Variants in TMEM232 observed in about 807,000 individuals in gnomAD.
TMEM232 encodes transmembrane protein 232.
TMEM232 carries 80 observed loss-of-function variants against 78.8 expected under a neutral mutation model. The ratio of observed to expected loss-of-function variants is 1.01; its 90% CI spans 0.85 to 1.22. The LOEUF is 1.22. Among genes scored for constraint, TMEM232 ranks in the 50% most tolerant of loss-of-function variants. The probability of loss-of-function intolerance (pLI) is 0.00; values close to 1 mark genes in which losing one functional copy is unlikely to be tolerated. For missense variants in TMEM232, 881 were observed against 742.2 expected (o/e 1.19, Z -2.17); for synonymous variants, 297 against 254.3 (o/e 1.17, Z -1.60).
intron 12 of TMEM232, among the ~76,000 whole-genome samples, chr5:110,459,645 G>C (rs538254472): frequency 6.6e-6 from 1 of 152,234 alleles, no homozygotes; most frequent in East Asian, 1.9e-4. Context: ...TACACTTAGT[G>C]GGTAAACGTT....
At chr5:110,477,093 T>G (rs573462723) in intron 12 of TMEM232, among the ~76,000 whole-genome samples, 10 of 152,170 alleles carry the variant, frequency 6.6e-5, no homozygotes, top group African/African-American at 2.4e-4. Flanking sequence ...GAGGCCTGTT[T>G]CAGATGTTAA....
intron 4 of TMEM232, among the ~76,000 whole-genome samples, chr5:110,388,534 G>A (rs909816804): frequency 5.3e-5 from 8 of 152,110 alleles, no homozygotes; most frequent in African/African-American, 1.2e-4. Flanking sequence ...AAGGACTTTC[G>A]TACCCTCACT....
intron 2 of TMEM232, among the ~76,000 whole-genome samples, chr5:110,663,289 T>C (rs919189404): frequency 3.3e-5 from 5 of 151,948 alleles, no homozygotes; most frequent in African/African-American, 7.2e-5. Context: ...TTCCATATAA[T>C]TAAAGGCACA....
chr5:110,727,868 C>T (rs944697723), upstream of TMEM232, among the ~76,000 whole-genome samples: 1 of 152,122 alleles, frequency 6.6e-6, no homozygotes, highest in East Asian at 1.9e-4. Flanking sequence ...CTATAAACTA[C>T]ATATGTGAGA....
intron 10 of TMEM232, among the ~76,000 whole-genome samples, chr5:110,572,403 A>G (rs1012027261): frequency 2.0e-5 from 3 of 152,066 alleles, no homozygotes; most frequent in South Asian, 2.1e-4. Flanking sequence ...CTGAGAAAAA[A>G]TAAGTTTTTG....
intron 1 of TMEM232, among the ~76,000 whole-genome samples, chr5:110,709,805 C>G (rs1796289644): frequency 6.6e-6 from 1 of 151,780 alleles, no homozygotes; most frequent in Admixed American, 6.6e-5. Context: ...AATAAGTAAC[C>G]TAATGATGCA....
chr5:110,713,615 A>G (rs2150321820), intron 1 of TMEM232, among the ~76,000 whole-genome samples: 1 of 152,330 alleles, frequency 6.6e-6, no homozygotes, highest in East Asian at 1.9e-4. Context: ...TTGAAAAACA[A>G]AATTTAAGTG....
chr5:110,529,860 G>A (rs1023698787), intron 11 of TMEM232, among the ~76,000 whole-genome samples: 1 of 152,066 alleles, frequency 6.6e-6, no homozygotes, highest in African/African-American at 2.4e-5. Flanking sequence ...AAGTAAAAGG[G>A]CATATGTTAC....
chr5:110,633,521 A>G (rs1206222855), intron 5 of TMEM232, among the ~76,000 whole-genome samples: 3 of 152,024 alleles, frequency 2.0e-5, no homozygotes, highest in African/African-American at 7.3e-5. Context: ...GAGGGAGGTG[A>G]CTGAATCATG....
At chr5:110,507,925 T>C (rs1381001383) in intron 12 of TMEM232, among the ~76,000 whole-genome samples, 1 of 152,204 alleles carries the variant, frequency 6.6e-6, no homozygotes, top group Non-Finnish European at 1.5e-5. Flanking sequence ...TATGTGACTT[T>C]TTTTCTATGA....
intron 1 of TMEM232, among the ~76,000 whole-genome samples, chr5:110,719,899 C>T (rs1435246872): frequency 2.0e-5 from 3 of 152,064 alleles, no homozygotes; most frequent in Non-Finnish European, 4.4e-5. Context: ...TTAAAAAATG[C>T]TCTAGAGTAT....
At chr5:110,515,738 T>C (rs1768525167) in intron 12 of TMEM232, among the ~76,000 whole-genome samples, 1 of 152,198 alleles carries the variant, frequency 6.6e-6, no homozygotes, top group African/African-American at 2.4e-5. Context: ...ATTCAGTAAA[T>C]GTTAGCTACT....
At chr5:110,596,596 A>T (rs965913313) in intron 10 of TMEM232, among the ~76,000 whole-genome samples, 6 of 152,212 alleles carry the variant, frequency 3.9e-5, no homozygotes, top group Non-Finnish European at 8.8e-5. Context: ...CTTGATGAAC[A>T]TTCATGCAAA....
chr5:110,593,998 G>C (rs2149783484), intron 10 of TMEM232, among the ~76,000 whole-genome samples: 1 of 152,122 alleles, frequency 6.6e-6, no homozygotes, highest in African/African-American at 2.4e-5. Context: ...AAATCACACT[G>C]TTGTGGGGAG....
intron 12 of TMEM232, among the ~76,000 whole-genome samples, chr5:110,475,333 T>C (rs1424374697): frequency 6.6e-6 from 1 of 151,944 alleles, no homozygotes; most frequent in Non-Finnish European, 1.5e-5. Context: ...AAGAAAACTT[T>C]TGATGCCTAT....
intron 12 of TMEM232, among the ~76,000 whole-genome samples, chr5:110,449,364 G>C (rs910388709): frequency 1.3e-5 from 2 of 151,520 alleles, no homozygotes; most frequent in Non-Finnish European, 2.9e-5. Flanking sequence ...TAACGATTCG[G>C]AAAGAAAAAA....
chr5:110,597,083 T>C (rs1444986159), intron 10 of TMEM232, among the ~76,000 whole-genome samples: 1 of 152,156 alleles, frequency 6.6e-6, no homozygotes, highest in East Asian at 1.9e-4. Flanking sequence ...TTGTCCCTGT[T>C]TGCAGACGAC....
chr5:110,620,663 C>T (rs1305974901), intron 7 of TMEM232, among the ~76,000 whole-genome samples: 1 of 121,378 alleles, frequency 8.2e-6, no homozygotes, highest in Non-Finnish European at 1.7e-5. Flanking sequence ...CTCTCTCCTC[C>T]TCTCTCTCTC....
At chr5:110,432,151 A>G (rs1318544952) in intron 12 of TMEM232, among the ~76,000 whole-genome samples, 1 of 151,692 alleles carries the variant, frequency 6.6e-6, no homozygotes, top group African/African-American at 2.4e-5. Flanking sequence ...GAGATACTAT[A>G]TAAGGTCACC....
Sources: gnomAD v4.1 joint callset for allele counts (sites outside exome capture counted in the v4.1 genomes callset) on GRCh38, gnomAD v4.1.1 for gene constraint, MANE v1.5 for transcripts, NCBI Gene and HGNC (gene_info 2026-07-23, HGNC 2026-07-21) for gene names.